ATAD1: variants seen among roughly 807,000 people sequenced by gnomAD.
ATAD1 encodes the protein ATPase family AAA domain containing 1.
A neutral mutation model predicts 42.7 loss-of-function variants in ATAD1; 18 were observed. That is an observed-to-expected ratio of 0.42 (90% confidence interval 0.29 to 0.63). The LOEUF is 0.63. Among genes scored for constraint, ATAD1 ranks in the 20% least tolerant of loss-of-function variants. The pLI is 0.19. For synonymous variants in ATAD1, 132 were observed against 143.1 expected (o/e 0.92, Z 0.55); for missense variants, 294 against 440.4 (o/e 0.67, Z 2.98).
chr10:87,829,561 A>ACC (rs1857792377), intron 1 of ATAD1, among the ~76,000 whole-genome samples: 1 of 152,140 alleles, frequency 6.6e-6, no homozygotes, highest in Non-Finnish European at 1.5e-5. Flanking sequence ...GCCAGGATTC[A>ACC]CCATTCTAAA....
intron 7 of ATAD1, 113 bp downstream of exon 7, chr10:87,770,839 T>G: frequency 1.3e-6 from 1 of 796,092 alleles, no homozygotes; most frequent in Non-Finnish European, 1.9e-6. Context: ...CCCCATTCCT[T>G]CCCTGTCATA....
intron 2 of ATAD1, among the ~76,000 whole-genome samples, chr10:87,803,908 T>C (rs983026515): frequency 8.5e-5 from 13 of 152,198 alleles, no homozygotes; most frequent in African/African-American, 2.7e-4. Flanking sequence ...TCTACTCCCT[T>C]ACCTACCTAG....
chr10:87,782,341 T>C (rs1855606155), intron 5 of ATAD1, among the ~76,000 whole-genome samples: 1 of 152,168 alleles, frequency 6.6e-6, no homozygotes, highest in Non-Finnish European at 1.5e-5. Context: ...GAAAGAACTT[T>C]GAAAGACTTC....
At chr10:87,766,030 C>A (rs900252874) in intron 8 of ATAD1, among the ~76,000 whole-genome samples, 1 of 151,318 alleles carries the variant, frequency 6.6e-6, no homozygotes, top group Non-Finnish European at 1.5e-5. Flanking sequence ...AGAGAGAGAT[C>A]ATGTCACAAA....
At chr10:87,815,964 C>T (rs553325279) in intron 1 of ATAD1, among the ~76,000 whole-genome samples, 4 of 152,184 alleles carry the variant, frequency 2.6e-5, no homozygotes, top group African/African-American at 9.6e-5. Context: ...CTGCATGGGC[C>T]ATTTACCCTC....
At chr10:87,754,886 A>C (rs1351068022) in intron 9 of ATAD1, 79 bp from the exon 10 acceptor site, 8 of 1,519,146 alleles carry the variant, frequency 5.3e-6, no homozygotes, top group African/African-American at 1.4e-5. Context: ...AAGATTTAAA[A>C]GAGATGCATG....
chr10:87,831,184 C>T (rs1396349990), intron 1 of ATAD1, among the ~76,000 whole-genome samples: 1 of 152,168 alleles, frequency 6.6e-6, no homozygotes, highest in Non-Finnish European at 1.5e-5. Context: ...ACACCATAAA[C>T]ATTTTAGAAA....
chr10:87,831,099 T>A (rs1031855029), intron 1 of ATAD1, among the ~76,000 whole-genome samples: 1 of 152,116 alleles, frequency 6.6e-6, no homozygotes, highest in African/African-American at 2.4e-5. Context: ...TTCTCATGTA[T>A]AAAAAAGGGA....
At chr10:87,773,318 T>C (rs1391099358) in intron 6 of ATAD1, among the ~76,000 whole-genome samples, 1 of 152,180 alleles carries the variant, frequency 6.6e-6, no homozygotes, top group Non-Finnish European at 1.5e-5. Context: ...AGGAAGAATA[T>C]GTCATCAGTC....
At chr10:87,770,709 A>G (rs1172024844) in intron 7 of ATAD1, among the ~76,000 whole-genome samples, 1 of 152,216 alleles carries the variant, frequency 6.6e-6, no homozygotes, top group Non-Finnish European at 1.5e-5. Context: ...TAAATCACTA[A>G]AATAGCCAGG....
At chr10:87,755,481 CAG>C (rs1300119661) in intron 9 of ATAD1, among the ~76,000 whole-genome samples, 1 of 152,070 alleles carries the variant, frequency 6.6e-6, no homozygotes, top group African/African-American at 2.4e-5. Flanking sequence ...TAAAACTAGC[CAG>C]ACTTTTCATA....
chr10:87,839,899 T>C (rs1270977576), intron 1 of ATAD1, among the ~76,000 whole-genome samples: 1 of 152,192 alleles, frequency 6.6e-6, no homozygotes, highest in African/African-American at 2.4e-5. Context: ...TATGCTGCCT[T>C]CCTATTCCTG....
At chr10:87,819,331 A>G (rs995327230), upstream of ATAD1, 2 of 146,648 alleles carry the variant, frequency 1.4e-5, no homozygotes, top group Non-Finnish European at 3.0e-5. Context: ...GCATGTCTGT[A>G]GTCCCAGCTA....
intron 1 of ATAD1, among the ~76,000 whole-genome samples, chr10:87,829,210 C>T (rs1857782664): frequency 6.6e-6 from 1 of 150,498 alleles, no homozygotes; most frequent in African/African-American, 2.5e-5. Flanking sequence ...TGAGAAACTT[C>T]TGGAGGGATT....
chr10:87,778,493 A>G (rs908309211), intron 5 of ATAD1, among the ~76,000 whole-genome samples: 5 of 152,204 alleles, frequency 3.3e-5, no homozygotes, highest in Non-Finnish European at 5.9e-5. Context: ...AAGTCCGGAT[A>G]TGAAATTCAT....
intron 2 of ATAD1, among the ~76,000 whole-genome samples, chr10:87,795,186 A>G (rs1274658953): frequency 1.3e-5 from 2 of 152,174 alleles, no homozygotes; most frequent in South Asian, 4.1e-4. Context: ...TTCGAATCCC[A>G]TATTTTGCTG....
At chr10:87,800,863 T>A (rs1293735395) in intron 2 of ATAD1, among the ~76,000 whole-genome samples, 1 of 152,170 alleles carries the variant, frequency 6.6e-6, no homozygotes. Context: ...GCCCAGGGAC[T>A]ATCATAGAAG....
At chr10:87,819,262 AC>A (rs1380663682), upstream of ATAD1, 169 of 125,378 alleles carry the variant, frequency 1.3e-3, no homozygotes, top group Middle Eastern at 3.6e-3. Flanking sequence ...AATCGTCTCT[AC>A]AAAAAAAAAA....
intron 1 of ATAD1, among the ~76,000 whole-genome samples, chr10:87,834,499 T>A (rs1857895199): frequency 6.6e-6 from 1 of 152,198 alleles, no homozygotes; most frequent in Non-Finnish European, 1.5e-5. Context: ...AATTTGCTTA[T>A]GTGAGTTTTG....
Sources: allele counts gnomAD v4.1 joint callset (sites outside exome capture counted in the v4.1 genomes callset), GRCh38; gene constraint gnomAD v4.1.1; transcripts MANE v1.5; gene names NCBI Gene and HGNC (gene_info 2026-07-23, HGNC 2026-07-21).